The following SLC6A7 variants were observed in gnomAD, a reference collection of about 807,000 sequenced individuals.
SLC6A7 encodes solute carrier family 6 member 7, also known as sodium-dependent proline transporter.
In SLC6A7, 58 loss-of-function variants were observed where a neutral mutation model predicts 73.1. The observed-to-expected ratio is 0.79, with a 90% CI of 0.64 to 0.99. The LOEUF (loss-of-function observed/expected upper bound fraction) is 0.99, where lower values mean the gene tolerates loss of function less well. Ranked by LOEUF, SLC6A7 falls within the 50% of genes least tolerant of loss-of-function variation. The probability of loss-of-function intolerance (pLI) is 0.00; values close to 1 mark genes in which losing one functional copy is unlikely to be tolerated. For missense variants in SLC6A7, 783 were observed against 831.4 expected (o/e 0.94, Z 0.72); for synonymous variants, 338 against 338.7 (o/e 1.00, Z 0.02).
chr5:150,199,048 G>A (rs952197600), intron 4 of SLC6A7, among the ~76,000 whole-genome samples, 180 bp from the exon 5 acceptor site: 2 of 152,086 alleles, frequency 1.3e-5, no homozygotes, highest in African/African-American at 4.8e-5. Context: ...CTGAGGAAGG[G>A]GTAAGGTCTG....
At chr5:150,194,695 C>G (rs777633403) in intron 1 of SLC6A7, 33 bp from the exon 2 acceptor site, 166 of 1,586,574 alleles carry the variant, frequency 1.0e-4, no homozygotes, top group Non-Finnish European at 1.4e-4. Context: ...CCTCAGTCTT[C>G]TCCCCAACCT....
chr5:150,207,322 C>G (rs1219951739), intron 13 of SLC6A7, among the ~76,000 whole-genome samples: 1 of 152,110 alleles, frequency 6.6e-6, no homozygotes, highest in Non-Finnish European at 1.5e-5. Context: ...GTGACGCCAT[C>G]TGGGCTCACT....
chr5:150,206,985 G>A (rs926140559), intron 13 of SLC6A7, among the ~76,000 whole-genome samples: 3 of 152,178 alleles, frequency 2.0e-5, no homozygotes, highest in Non-Finnish European at 4.4e-5. Flanking sequence ...TGAGCACTGC[G>A]GAAGAGGCAT....
Position 150,205,595 on chromosome 5 carries a change from T to C in SLC6A7, c.1673T>C (p.Val558Ala), listed in dbSNP as rs1753659279. ...LMIPAGMLVA[V>A]LREEGSLWER... Reference sequence around the variant, plus strand: ...ATCCCAGCTGGCATGCTGGTGGCTGTGCTTCGAGAAGAGGGCTCACTCTGG... The same window carrying C: ...ATCCCAGCTGGCATGCTGGTGGCTGCGCTTCGAGAAGAGGGCTCACTCTGG... Residue 558 changes from valine to alanine, a missense_variant, in exon 13 of 14, where the codon GTG becomes GCG. Transcript: ENST00000230671. 1 of 1,612,616 alleles carries C rather than the reference T, an allele frequency of 6.2e-7. No individual in the cohort carries two copies. Among genetic ancestry groups the C allele is most frequent in the Non-Finnish European group, 8.5e-7 (1 of 1,179,400 alleles).
Position 150,194,918 on chromosome 5 carries a change from G to C in SLC6A7, c.217+7G>C. 1 of 1,610,948 alleles carries C rather than the reference G, an allele frequency of 6.2e-7. No homozygotes were observed. On this transcript the variant is annotated splice_region_variant and intron_variant, in intron 2 of 13. Coordinates refer to ENST00000230671, the MANE Select transcript of SLC6A7 (RefSeq NM_014228.5). ...GCGTACACCAATGGAGGAGGTATGGGCCTGAGGTCCTGTCGGAGGGTGTCT... is the reference window on the plus strand; with the variant it reads ...GCGTACACCAATGGAGGAGGTATGGCCCTGAGGTCCTGTCGGAGGGTGTCT...
chr5:150,191,604 GTATTTTTA>G (rs1213888303), intron 1 of SLC6A7, among the ~76,000 whole-genome samples: 14 of 152,046 alleles, frequency 9.2e-5, no homozygotes, highest in African/African-American at 3.1e-4. Context: ...CTAATGTTTT[GTATTTTTA>G]GTAGAGACGG....
Position 150,202,460 on chromosome 5 carries a change from C to T in SLC6A7, c.962+10C>T. The T allele has an allele frequency of 1.2e-6, 2 of 1,612,358 alleles. No homozygotes were observed. Among genetic ancestry groups the T allele is most frequent in the Non-Finnish European group, 1.7e-6 (2 of 1,178,342 alleles). On this transcript the variant is annotated intron_variant, in intron 7 of 13. Coordinates refer to ENST00000230671, the MANE Select transcript of SLC6A7 (RefSeq NM_014228.5). ...ACCAGAACATCTATAGGTCAGTGTCCCACAGCCTCCCAGACCCTGGGGTCC... is the reference window on the plus strand; with the variant it reads ...ACCAGAACATCTATAGGTCAGTGTCTCACAGCCTCCCAGACCCTGGGGTCC...
Position 150,190,300 on chromosome 5 carries a change from G to C in SLC6A7, c.-28G>C. 1 of 1,507,586 alleles carries C rather than the reference G, an allele frequency of 6.6e-7. No individual in the cohort carries two copies. The highest frequency in any genetic ancestry group is 8.9e-7 in the Non-Finnish European group (1 of 1,128,474). The allele number at this position is 1,507,586 out of a possible 1,614,324, so 93.4% of individuals were successfully genotyped here. On this transcript the variant is annotated 5_prime_UTR_variant, in exon 1 of 14. Transcript: ENST00000230671. ...CCCTCGCTCTCTGCGCTCCGGGGCAGCTGAGCCCCGGCCACCCGCTCTCCA... is the reference window on the plus strand; with the variant it reads ...CCCTCGCTCTCTGCGCTCCGGGGCACCTGAGCCCCGGCCACCCGCTCTCCA...
In SLC6A7 at chr5:150,203,991, C is replaced by A; in HGVS notation, c.1285C>A (p.Leu429Ile). 2.5e-6 allele frequency: 4 copies of A among 1,613,792 alleles called. No individual in the cohort carries two copies. Among genetic ancestry groups the A allele is most frequent in the Non-Finnish European group, 3.4e-6 (4 of 1,179,868 alleles). ...GCCCAAGAAGGCGGTGTTCTCAGGG[C>A]TCATCTGCGTGGCCATGTACCTGAT... ...LRPKKAVFSG[L>I]ICVAMYLMGL... Residue 429 changes from leucine (L) to isoleucine (I), a missense_variant, in exon 10 of 14, where the codon CTC (leucine) becomes ATC (isoleucine). Physicochemically the swap from Leu to Ile is conservative, Grantham distance 5. Transcript: ENST00000230671.
intron 1 of SLC6A7, among the ~76,000 whole-genome samples, chr5:150,192,848 G>A (rs557928456): frequency 7.8e-4 from 119 of 152,280 alleles, no homozygotes; most frequent in Non-Finnish European, 1.5e-3. Flanking sequence ...TGGGATGGGC[G>A]GGGGGTGTCT....
In SLC6A7 at chr5:150,209,788, C is replaced by T. The variant is rs1238899229; in HGVS notation, c.*173C>T. The T allele has an allele frequency of 1.6e-6, 1 of 627,140 alleles. No individual in the cohort carries two copies. Among genetic ancestry groups the T allele is most frequent in the Admixed American group, 2.7e-5 (1 of 37,212 alleles). 38.8% of individuals were successfully genotyped at this position (627,140 alleles called of 1,614,324 possible). A position where few individuals can be genotyped will look rare whatever the true frequency, so the allele number is the denominator to read the frequency against. ...CTGCAGCCTCTGCCTCTCCTGAAAC[C>T]TCTGACAACCCCCTACACACACACA... On this transcript the variant is annotated 3_prime_UTR_variant, in exon 14 of 14. Transcript: ENST00000230671.
intron 13 of SLC6A7, among the ~76,000 whole-genome samples, chr5:150,208,727 G>A (rs1024935302): frequency 3.3e-5 from 5 of 152,192 alleles, no homozygotes; most frequent in African/African-American, 4.8e-5. Flanking sequence ...CTTCTCCCTG[G>A]CATGACAGGC....
intron 12 of SLC6A7, 33 bp from the exon 13 acceptor site, chr5:150,205,423 C>T (rs749427589): frequency 7.7e-6 from 12 of 1,559,518 alleles, no homozygotes; most frequent in Non-Finnish European, 1.0e-5. Context: ...TAGACAAAAG[C>T]CCGCAGTGAT....
intron 4 of SLC6A7, among the ~76,000 whole-genome samples, chr5:150,197,750 A>G (rs1401521750): frequency 6.6e-6 from 1 of 152,102 alleles, no homozygotes; most frequent in Non-Finnish European, 1.5e-5. Context: ...CTTTTAATAA[A>G]TATTTATTGA....
At position 150,195,818 on chromosome 5, in the gene SLC6A7, C is replaced by T. The variant is rs117283446; in HGVS notation, c.218-898C>T. Among the ~76,000 whole-genome samples, 476 of 152,324 alleles carry T rather than the reference C, an allele frequency of 3.1e-3. 8 individuals are homozygous for T. The highest frequency in any genetic ancestry group is 0.023 in the Admixed American group (348 of 15,300). ...GTGGGACTGGAGCTGGCCTCTGAAG[C>T]TCTAGGACCTTGATGACACCCATGG... On this transcript the variant is annotated intron_variant, in intron 2 of 13. Transcript: ENST00000230671.
At chr5:150,197,015 C>A (rs1753062495) in intron 3 of SLC6A7, 27 bp from the exon 4 acceptor site, 1 of 1,599,552 alleles carries the variant, frequency 6.3e-7, no homozygotes, top group Non-Finnish European at 8.6e-7. Flanking sequence ...TTGGCCTGGG[C>A]AGCCCAGCAG....
chr5:150,206,631 C>A (rs1162733981), intron 13 of SLC6A7, among the ~76,000 whole-genome samples: 1 of 152,228 alleles, frequency 6.6e-6, no homozygotes, highest in Non-Finnish European at 1.5e-5. Flanking sequence ...ATGCCTCCCC[C>A]ATCCTGCTGC....
At chr5:150,198,201 C>T (rs1753179330) in intron 4 of SLC6A7, among the ~76,000 whole-genome samples, 1 of 152,212 alleles carries the variant, frequency 6.6e-6, no homozygotes, top group Non-Finnish European at 1.5e-5. Context: ...GGTATTGACA[C>T]TAAGGACTCC....
chr5:150,196,742 A>G lies in SLC6A7; in HGVS notation c.244A>G (p.Met82Val), dbSNP rs141058997. 7 of 1,613,788 alleles carry G rather than the reference A, an allele frequency of 4.3e-6. No individual in the cohort carries two copies. In the African/African-American group the frequency reaches 9.3e-5, roughly 22 times the overall value. The change falls in exon 3 of 14, where the codon ATG (methionine) becomes GTG (valine). Residue 82 changes from methionine to valine, a missense_variant. Met to Val is a conservative substitution (Grantham distance 21). Transcript: ENST00000230671. ...GGAFLVPYFL[M>V]LAICGIPLFF... ...CGCCTTCCTCGTGCCCTACTTCCTCATGCTGGCCATCTGTGGCATCCCCCT... is the reference window on the plus strand; with the variant it reads ...CGCCTTCCTCGTGCCCTACTTCCTCGTGCTGGCCATCTGTGGCATCCCCCT...
Sources: allele counts gnomAD v4.1 joint callset (sites outside exome capture counted in the v4.1 genomes callset), GRCh38; gene constraint gnomAD v4.1.1; transcripts MANE v1.5; gene names NCBI Gene and HGNC (gene_info 2026-07-23, HGNC 2026-07-21).